ATP7A: variants seen among roughly 807,000 people sequenced by gnomAD.
The protein encoded by ATP7A is ATPase copper transporting alpha.
A neutral mutation model predicts 83.5 loss-of-function variants in ATP7A; 7 were observed. The observed-to-expected ratio is 0.08, with a 90% CI of 0.05 to 0.16. ATP7A has a LOEUF of 0.16. ATP7A is among the 10% of genes least tolerant of loss of function. The probability of loss-of-function intolerance (pLI) is 1.00; values close to 1 mark genes in which losing one functional copy is unlikely to be tolerated. For synonymous variants in ATP7A, 354 were observed against 395.2 expected (o/e 0.90, Z 1.24); for missense variants, 940 against 1,120.8 (o/e 0.84, Z 2.30).
intron 14 of ATP7A, among the ~76,000 whole-genome samples, 181 bp downstream of exon 14, chrX:78,021,260 T>G (rs781949986): frequency 3.5e-4 from 39 of 111,873 alleles, no homozygotes; most frequent in Non-Finnish European, 7.0e-4. Flanking sequence ...GAAAAAAAAT[T>G]TTATTATGAC....
At chrX:77,948,174 T>G (rs1039950202) in intron 1 of ATP7A, among the ~76,000 whole-genome samples, 2 of 109,479 alleles carry the variant, frequency 1.8e-5, no homozygotes, top group Non-Finnish European at 3.8e-5. Context: ...TCACCCAGGC[T>G]GGAGTGCAGT....
At chrX:77,948,159 C>CAT (rs2077393876) in intron 1 of ATP7A, among the ~76,000 whole-genome samples, 1 of 108,636 alleles carries the variant, frequency 9.2e-6, no homozygotes, top group African/African-American at 3.4e-5. Context: ...CGGAGTCTTG[C>CAT]TCTGTCACCC....
chrX:78,029,825 T>A (rs112779313), intron 15 of ATP7A, among the ~76,000 whole-genome samples: 94 of 111,936 alleles, frequency 8.4e-4, no homozygotes, highest in African/African-American at 3.0e-3. Context: ...CACTGGGACC[T>A]TCAATTGCAG....
At chrX:77,955,404 T>C (rs2077435466) in intron 1 of ATP7A, among the ~76,000 whole-genome samples, 1 of 112,046 alleles carries the variant, frequency 8.9e-6, no homozygotes, top group South Asian at 3.6e-4. Flanking sequence ...CTTAGAACAA[T>C]GTTTCTTAGA....
chrX:78,043,661 T>G (rs1453485318), intron 21 of ATP7A, among the ~76,000 whole-genome samples: 1 of 102,888 alleles, frequency 9.7e-6, no homozygotes, highest in African/African-American at 3.5e-5. Flanking sequence ...CTCCAACTTT[T>G]TTTTTTTTTT....
At position 78,039,117 on chromosome X, in the gene ATP7A, CAT is replaced by C. The variant is rs10591781; in HGVS notation, c.3658+136_3658+137del. 8,889 of 690,346 alleles carry C rather than the reference CAT, an allele frequency of 0.013. 568 individuals carry two copies. The African/African-American group carries it at 0.18, about 14-fold the overall frequency. 56.9% of individuals were successfully genotyped at this position (690,346 alleles called of 1,213,427 possible). A position where few individuals can be genotyped will look rare whatever the true frequency, so the allele number is the denominator to read the frequency against. Reference sequence around the variant, plus strand: ...ATGCAAAATGAAAATGTCAACAACACATGATTATTACTGATTAATTTAAAATT... The same window carrying C: ...ATGCAAAATGAAAATGTCAACAACACGATTATTACTGATTAATTTAAAATT... On this transcript the variant is annotated intron_variant, in intron 18 of 22. Transcript: ENST00000341514.
chrX:77,933,740 C>T (rs1440792610), intron 1 of ATP7A, among the ~76,000 whole-genome samples: 1 of 112,336 alleles, frequency 8.9e-6, no homozygotes, highest in Non-Finnish European at 1.9e-5. Context: ...GTCACTATCT[C>T]AGCCACCCAT....
In ATP7A at chrX:78,042,660, G is replaced by C; in HGVS notation, c.3877G>C (p.Gly1293Arg). The C allele has an allele frequency of 8.3e-7, 1 of 1,211,862 alleles. No individual in the cohort carries two copies. The highest frequency in any genetic ancestry group is 3.0e-5 in the East Asian group (1 of 33,862). Residue 1293 changes from glycine (G) to arginine (R), a missense_variant, in exon 20 of 23, where the codon GGG becomes CGG. By Grantham distance (125) the Gly-to-Arg change is moderately radical (BLOSUM62 -2). Transcript: ENST00000341514. Reference protein sequence around the residue: ...VAKVKQLQEEGKRVAMVGDGI... With the variant: ...VAKVKQLQEERKRVAMVGDGI... ...TAAAGTGAAGCAACTTCAAGAGGAG[G>C]GGAAACGGGTAGCAATGGTGGGAGA...
rs544740031 is a variant in ATP7A at position 78,021,911 on chromosome X, G to A, written c.2916+832G>A. Among the ~76,000 whole-genome samples, 14 of 110,982 alleles carry A rather than the reference G, an allele frequency of 1.3e-4. No homozygotes were observed. In the South Asian group the frequency reaches 5.0e-3, roughly 40 times the overall value. ...AAGCCTGCCCTACTCCCCTACCCCCGACTGATTCTTTCTAAATAATGTCCA... is the reference window on the plus strand; with the variant it reads ...AAGCCTGCCCTACTCCCCTACCCCCAACTGATTCTTTCTAAATAATGTCCA... On this transcript the variant is annotated intron_variant, in intron 14 of 22. Transcript: ENST00000341514.
intron 1 of ATP7A, among the ~76,000 whole-genome samples, chrX:77,927,834 T>A (rs1452715115): frequency 9.1e-6 from 1 of 110,255 alleles, no homozygotes; most frequent in Admixed American, 9.7e-5. Context: ...TGGGTCCAAG[T>A]GTTCTTATTG....
At chrX:77,994,507 C>G (rs1454433528) in intron 4 of ATP7A, among the ~76,000 whole-genome samples, 2 of 110,936 alleles carry the variant, frequency 1.8e-5, no homozygotes, top group East Asian at 5.7e-4. Flanking sequence ...TAGCATCTAC[C>G]TAGTCCTTAG....
intron 10 of ATP7A, among the ~76,000 whole-genome samples, chrX:78,013,954 G>A (rs1215286016): frequency 9.0e-6 from 1 of 111,047 alleles, no homozygotes; most frequent in Non-Finnish European, 1.9e-5. Flanking sequence ...TTCCATTAAT[G>A]GTGGGGATAA....
At position 78,009,180 on chromosome X, in the gene ATP7A, T is replaced by A; in HGVS notation, c.1786T>A (p.Ser596Thr). 1 of 1,209,419 alleles carries A rather than the reference T, an allele frequency of 8.3e-7. No homozygotes were observed. Among genetic ancestry groups the A allele is most frequent in the African/African-American group, 1.7e-5 (1 of 57,608 alleles). The change falls in exon 7 of 23, where the codon TCC becomes ACC. Residue 596 changes from serine to threonine, a missense_variant. By Grantham distance (58) the Ser-to-Thr change is moderately conservative. Coordinates refer to ENST00000341514, the MANE Select transcript of ATP7A (RefSeq NM_000052.7). ...AAAACACAGAGGGATCCTATACTGC[T>A]CCGTGGCCCTGGCAACCAACAAAGC... ...LTKHRGILYCSVALATNKAHI... is the reference protein window; with the variant it reads ...LTKHRGILYCTVALATNKAHI...
intron 7 of ATP7A, among the ~76,000 whole-genome samples, chrX:78,010,708 C>T (rs1481837029): frequency 2.8e-5 from 3 of 105,717 alleles, no homozygotes; most frequent in South Asian, 4.3e-4. Context: ...GCTTCCCGAG[C>T]AGCTGGGATT....
chrX:78,034,167 T>C (rs1391566904), intron 17 of ATP7A, among the ~76,000 whole-genome samples: 2 of 111,969 alleles, frequency 1.8e-5, no homozygotes, highest in Admixed American at 9.5e-5. Flanking sequence ...ATTATGGTTC[T>C]TGGGCATGTG....
intron 2 of ATP7A, among the ~76,000 whole-genome samples, chrX:77,987,651 C>G (rs2077646110): frequency 9.0e-6 from 1 of 111,126 alleles, no homozygotes; most frequent in Non-Finnish European, 1.9e-5. Flanking sequence ...ATAGTATGCT[C>G]TAGTGACTTA....
At chrX:78,004,892 A>G (rs1557233588) in intron 6 of ATP7A, among the ~76,000 whole-genome samples, 2 of 110,646 alleles carry the variant, frequency 1.8e-5, no homozygotes, top group Admixed American at 1.9e-4. Flanking sequence ...CAAAAAATAA[A>G]AAAATAAAAA....
intron 6 of ATP7A, among the ~76,000 whole-genome samples, chrX:78,004,859 G>A (rs2077763023): frequency 9.0e-6 from 1 of 110,897 alleles, no homozygotes; most frequent in African/African-American, 3.3e-5. Flanking sequence ...CTCCAGCCTG[G>A]GCGACACAGT....
chrX:77,978,721 A>G (rs1557230588), intron 2 of ATP7A, among the ~76,000 whole-genome samples: 1 of 112,111 alleles, frequency 8.9e-6, no homozygotes, highest in Admixed American at 9.5e-5. Flanking sequence ...CCAAAAACAT[A>G]GGAAAAGAAA....
Sources: allele counts gnomAD v4.1 joint callset (sites outside exome capture counted in the v4.1 genomes callset), GRCh38; gene constraint gnomAD v4.1.1; transcripts MANE v1.5; gene names NCBI Gene and HGNC (gene_info 2026-07-23, HGNC 2026-07-21).